The following KHDRBS2 variants were observed in gnomAD, a reference collection of about 807,000 sequenced individuals.
KHDRBS2 encodes the protein KH RNA binding domain containing, signal transduction associated 2, also known as KH domain-containing, RNA-binding, signal transduction-associated protein 2.
A neutral mutation model predicts 44.3 loss-of-function variants in KHDRBS2; 26 were observed. The observed-to-expected ratio is 0.59, with a 90% CI of 0.43 to 0.81. The LOEUF is 0.81. KHDRBS2 is among the 40% of genes least tolerant of loss of function. The pLI is 0.00. For synonymous variants in KHDRBS2, 194 were observed against 151.1 expected, an observed-to-expected ratio of 1.28 and a Z score of -2.08; for missense variants, 476 against 433.1, an observed-to-expected ratio of 1.10 and a Z score of -0.88.
chr6:62,182,920 G>T (rs1047919617), intron 1 of KHDRBS2, among the ~76,000 whole-genome samples: 42 of 151,884 alleles, frequency 2.8e-4, no homozygotes, highest in African/African-American at 1.0e-3. Flanking sequence ...AGTGAAAGGA[G>T]CTATTTGAAT....
At chr6:62,112,621 T>C (rs528328217) in intron 2 of KHDRBS2, among the ~76,000 whole-genome samples, 1 of 152,282 alleles carries the variant, frequency 6.6e-6, no homozygotes, top group East Asian at 1.9e-4. Context: ...ATCCTTTTCA[T>C]AAATGAAAAC....
the KHDRBS2 span, among the ~76,000 whole-genome samples, chr6:61,664,432 A>C: frequency 1.3e-5 from 2 of 151,840 alleles, no homozygotes; most frequent in South Asian, 2.1e-4. Flanking sequence ...CATCTGACAT[A>C]GGAAAAAAAC....
intron 1 of KHDRBS2, among the ~76,000 whole-genome samples, chr6:62,247,856 T>C (rs1241596175): frequency 6.6e-6 from 1 of 152,048 alleles, no homozygotes; most frequent in Non-Finnish European, 1.5e-5. Flanking sequence ...TATTTTCTAT[T>C]CAAGGAACTC....
At chr6:61,835,961 C>T (rs1383979206) in intron 6 of KHDRBS2, among the ~76,000 whole-genome samples, 1 of 151,772 alleles carries the variant, frequency 6.6e-6, no homozygotes, top group East Asian at 1.9e-4. Context: ...GGATATTTCC[C>T]GGGATAACAA....
At chr6:62,037,942 C>T (rs1036182436) in intron 3 of KHDRBS2, among the ~76,000 whole-genome samples, 7 of 151,946 alleles carry the variant, frequency 4.6e-5, no homozygotes, top group Non-Finnish European at 1.0e-4. Context: ...AAAAGGAAAT[C>T]TATTCATAAT....
At chr6:61,694,236 A>C (rs1767664558) in intron 8 of KHDRBS2, among the ~76,000 whole-genome samples, 2 of 152,196 alleles carry the variant, frequency 1.3e-5, no homozygotes, top group African/African-American at 4.8e-5. Context: ...TAAGATTGAG[A>C]TCAATGGCTT....
chr6:61,853,926 T>C (rs906747546), intron 6 of KHDRBS2, among the ~76,000 whole-genome samples: 1 of 152,136 alleles, frequency 6.6e-6, no homozygotes, highest in African/African-American at 2.4e-5. Flanking sequence ...CTTAAGAATG[T>C]TTTTTAGAAA....
chr6:62,221,737 C>A (rs1459431156), intron 1 of KHDRBS2, among the ~76,000 whole-genome samples: 2 of 151,796 alleles, frequency 1.3e-5, no homozygotes, highest in Non-Finnish European at 2.9e-5. Flanking sequence ...ACTGATAAGT[C>A]AATCAGAAAA....
intron 1 of KHDRBS2, among the ~76,000 whole-genome samples, chr6:62,201,793 A>G (rs1409657901): frequency 1.3e-5 from 2 of 152,100 alleles, no homozygotes; most frequent in Non-Finnish European, 2.9e-5. Context: ...ATTCATTTTT[A>G]TTTAAAATAG....
chr6:61,771,523 C>G (rs1435353162), intron 6 of KHDRBS2, among the ~76,000 whole-genome samples: 1 of 152,036 alleles, frequency 6.6e-6, no homozygotes, highest in African/African-American at 2.4e-5. Context: ...CAAAAAAAGG[C>G]AGGAGTTGCA....
intron 5 of KHDRBS2, among the ~76,000 whole-genome samples, chr6:61,898,292 A>G (rs1259232729): frequency 6.6e-6 from 1 of 151,780 alleles, no homozygotes; most frequent in Non-Finnish European, 1.5e-5. Flanking sequence ...GGCATTTGGT[A>G]TGACCAATCT....
rs565045049 is a variant in KHDRBS2, at chr6:62,055,468, T to C, written c.220-7474A>G. ...CAGAGTGTGGAGAAACATGTACTTA[T>C]ATACGCACCTGTGGGAGTGTAAATG... is the stretch of plus-strand genomic sequence containing the variant. On this transcript the variant is annotated intron_variant, in intron 2 of 8. Transcript: ENST00000281156. Among the ~76,000 whole-genome samples the C allele has an allele frequency of 1.1e-4, 17 of 152,154 alleles. No homozygotes were observed. In the South Asian group the frequency reaches 3.5e-3, roughly 31 times the overall value.
At chr6:62,081,911 A>G (rs1797476847) in intron 2 of KHDRBS2, among the ~76,000 whole-genome samples, 1 of 152,088 alleles carries the variant, frequency 6.6e-6, no homozygotes, top group African/African-American at 2.4e-5. Context: ...GCCTCTGAAA[A>G]GTCAGATTTA....
chr6:62,137,845 C>A (rs1811905861), intron 2 of KHDRBS2, among the ~76,000 whole-genome samples: 1 of 152,142 alleles, frequency 6.6e-6, no homozygotes, highest in African/African-American at 2.4e-5. Flanking sequence ...TAAAATATCC[C>A]AGTTCATATT....
intron 3 of KHDRBS2, among the ~76,000 whole-genome samples, chr6:62,029,229 A>G (rs1783910979): frequency 6.6e-6 from 1 of 151,986 alleles, no homozygotes; most frequent in African/African-American, 2.4e-5. Context: ...GCAAAATGTT[A>G]GTAACAGTTG....
chr6:61,981,344 G>C (rs1255944836), intron 3 of KHDRBS2, among the ~76,000 whole-genome samples: 1 of 151,862 alleles, frequency 6.6e-6, no homozygotes, highest in Non-Finnish European at 1.5e-5. Context: ...TACCTGTTAA[G>C]TAATCTGCCT....
At chr6:62,177,120 A>C (rs1183097742) in intron 2 of KHDRBS2, 65 bp downstream of exon 2, 2 of 974,884 alleles carry the variant, frequency 2.1e-6, no homozygotes, top group Non-Finnish European at 3.0e-6. Context: ...GTGAATAATT[A>C]AAATACCGTC....
chr6:61,942,306 C>T (rs1284242844), intron 4 of KHDRBS2, among the ~76,000 whole-genome samples: 1 of 151,726 alleles, frequency 6.6e-6, no homozygotes, highest in African/African-American at 2.4e-5. Flanking sequence ...ATATATAAGA[C>T]AATCTTGAGA....
the KHDRBS2 span, among the ~76,000 whole-genome samples, chr6:61,589,396 C>T: frequency 6.6e-6 from 1 of 152,158 alleles, no homozygotes; most frequent in Admixed American, 6.5e-5. Flanking sequence ...CTTGCCTATT[C>T]AGGACAACAC....
Sources: allele counts gnomAD v4.1 joint callset (sites outside exome capture counted in the v4.1 genomes callset), GRCh38; gene constraint gnomAD v4.1.1; transcripts MANE v1.5; gene names NCBI Gene and HGNC (gene_info 2026-07-23, HGNC 2026-07-21).